TDO2: variants seen among roughly 807,000 people sequenced by gnomAD.
TDO2 encodes the protein tryptamin 2,3-dioxygenase.
TDO2 carries 63 observed loss-of-function variants against 61.2 expected under a neutral mutation model. The observed-to-expected ratio is 1.03, with a 90% CI of 0.84 to 1.27. TDO2 has a LOEUF of 1.27. Among genes scored for constraint, TDO2 ranks in the 50% most tolerant of loss-of-function variants. The pLI, the probability that TDO2 is intolerant of heterozygous loss-of-function variation, is 0.00. For synonymous variants in TDO2, 183 were observed against 164.0 expected (o/e 1.12, Z -0.89); for missense variants, 494 against 469.5 (o/e 1.05, Z -0.48).
chr4:155,918,200 G>C lies in TDO2; in HGVS notation c.1028G>C (p.Gly343Ala). ...ATGCTGGGCAGCAAAGCTGGCACCG[G>C]TGGTTCCTCAGGCTATCACTACCTG... The part of the protein sequence containing the change: ...HRMLGSKAGT[G>A]GSSGYHYLRS... The change falls in exon 11 of 12, where the codon GGT becomes GCT. Residue 343 changes from glycine to alanine, a missense_variant. Physicochemically the swap from Gly to Ala is moderately conservative, Grantham distance 60. Coordinates refer to ENST00000536354, the MANE Select transcript of TDO2 (RefSeq NM_005651.4). 1 of 1,614,114 alleles carries C rather than the reference G, an allele frequency of 6.2e-7. No individual in the cohort carries two copies.
chr4:155,910,405 G>A (rs1359441828), intron 6 of TDO2, among the ~76,000 whole-genome samples, 194 bp downstream of exon 6: 1 of 152,146 alleles, frequency 6.6e-6, no homozygotes, highest in East Asian at 1.9e-4. Flanking sequence ...GAACCCTGCT[G>A]AGAACTTCGG....
chr4:155,912,707 T>C (rs1042826638), intron 7 of TDO2, among the ~76,000 whole-genome samples: 7 of 152,262 alleles, frequency 4.6e-5, no homozygotes, highest in African/African-American at 1.7e-4. Flanking sequence ...TTATACCCAC[T>C]GCTTCAATAT....
chr4:155,905,979 T>C (rs1742711690), intron 3 of TDO2: 2 of 152,342 alleles, frequency 1.3e-5, no homozygotes, highest in African/African-American at 4.8e-5. Flanking sequence ...TTTATACTTT[T>C]ATGGGTGGCT....
intron 8 of TDO2, 34 bp from the exon 9 acceptor site, chr4:155,915,821 C>G: frequency 6.3e-7 from 1 of 1,579,958 alleles, no homozygotes; most frequent in Non-Finnish European, 8.6e-7. Flanking sequence ...CCTTAAATGA[C>G]CTAAAAAATT....
chr4:155,908,463 T>C (rs1742759696), intron 4 of TDO2, among the ~76,000 whole-genome samples: 1 of 152,182 alleles, frequency 6.6e-6, no homozygotes, highest in Non-Finnish European at 1.5e-5. Flanking sequence ...GGACCCTTCC[T>C]GCCTGCATGA....
At chr4:155,916,617 A>G (rs899617767) in intron 9 of TDO2, among the ~76,000 whole-genome samples, 1 of 152,148 alleles carries the variant, frequency 6.6e-6, no homozygotes, top group Non-Finnish European at 1.5e-5. Context: ...CCACTTATTC[A>G]GCAATTTCAA....
chr4:155,910,138 A>G lies in TDO2; in HGVS notation c.545A>G (p.Asp182Gly). 1.3e-6 allele frequency: 2 copies of G among 1,599,408 alleles called. No individual in the cohort carries two copies. Among genetic ancestry groups the G allele is most frequent in the Non-Finnish European group, 1.7e-6 (2 of 1,175,182 alleles). Residue 182 changes from aspartate (D) to glycine (G), a missense_variant, in exon 6 of 12, where the codon GAT becomes GGT. By Grantham distance (94) the Asp-to-Gly change is moderately conservative. Coordinates refer to ENST00000536354, the MANE Select transcript of TDO2 (RefSeq NM_005651.4). ...CCTTATAACAGAAGACATTATCGTG[A>G]TAACTTCAAAGGAGAAGAAAATGAA... ...RVPYNRRHYR[D>G]NFKGEENELL...
At chr4:155,910,327 G>A (rs754591724) in intron 6 of TDO2, 116 bp downstream of exon 6, 3 of 697,164 alleles carry the variant, frequency 4.3e-6, no homozygotes, top group South Asian at 4.8e-5. Context: ...GTGGAAATAA[G>A]GATAGAAAGA....
At chr4:155,912,487 A>G (rs1288714790) in intron 7 of TDO2, among the ~76,000 whole-genome samples, 1 of 152,118 alleles carries the variant, frequency 6.6e-6, no homozygotes, top group Non-Finnish European at 1.5e-5. Flanking sequence ...ATTCAATACT[A>G]ATGACTACTA....
At chr4:155,911,387 A>G (rs1016519244) in intron 6 of TDO2, 110 bp from the exon 7 acceptor site, 3 of 652,594 alleles carry the variant, frequency 4.6e-6, no homozygotes, top group Middle Eastern at 3.0e-4. Context: ...CTTGTAGCAT[A>G]TGTTTCTGGA....
In TDO2 at chr4:155,910,064, A is replaced by C; in HGVS notation, c.471A>C (p.Gln157His). The C allele has an allele frequency of 1.3e-6, 2 of 1,586,718 alleles. No individual in the cohort carries two copies. Among genetic ancestry groups the C allele is most frequent in the Non-Finnish European group, 1.7e-6 (2 of 1,171,606 alleles). Residue 157 changes from glutamine to histidine, a missense_variant, in exon 6 of 12, where the codon CAA (glutamine) becomes CAC (histidine). By Grantham distance (24) the Gln-to-His change is conservative. Coordinates refer to ENST00000536354, the MANE Select transcript of TDO2 (RefSeq NM_005651.4). Reference sequence around the variant, plus strand: ...CAGCATCAGGCTTCCAGAGTTTGCAATTCCGACTATTAGAAAACAAGATAG... The same window carrying C: ...CAGCATCAGGCTTCCAGAGTTTGCACTTCCGACTATTAGAAAACAAGATAG... ...LSPASGFQSL[Q>H]FRLLENKIGV...
At chr4:155,909,632 T>G (rs986514979) in intron 5 of TDO2, among the ~76,000 whole-genome samples, 2 of 151,672 alleles carry the variant, frequency 1.3e-5, no homozygotes, top group Non-Finnish European at 2.9e-5. Context: ...ATATGGGGAG[T>G]GGGAGTAATA....
chr4:155,906,980 T>C (rs966360972), intron 3 of TDO2: 7 of 152,222 alleles, frequency 4.6e-5, no homozygotes, highest in African/African-American at 1.7e-4. Flanking sequence ...ATGTTACTGT[T>C]TGACAGCCCG....
Position 155,920,083 on chromosome 4 carries a change from C to T in TDO2, c.*93C>T. 1 of 1,202,606 alleles carries T rather than the reference C, an allele frequency of 8.3e-7. No individual in the cohort carries two copies. The highest frequency in any genetic ancestry group is 1.2e-6 in the Non-Finnish European group (1 of 835,294). The allele number at this position is 1,202,606 out of a possible 1,614,324, so 74.5% of individuals were successfully genotyped here. A position where few individuals can be genotyped will look rare whatever the true frequency, so the allele number is the denominator to read the frequency against. ...TAAATACAGTTTGAATATATGTATGCATATATTGTTCAGCACCACGATGCT... is the reference window on the plus strand; with the variant it reads ...TAAATACAGTTTGAATATATGTATGTATATATTGTTCAGCACCACGATGCT... On this transcript the variant is annotated 3_prime_UTR_variant, in exon 12 of 12. Coordinates refer to ENST00000536354, the MANE Select transcript of TDO2 (RefSeq NM_005651.4).
chr4:155,908,742 A>G (rs1211000445), intron 4 of TDO2, 145 bp from the exon 5 acceptor site: 2 of 971,414 alleles, frequency 2.1e-6, no homozygotes, highest in South Asian at 3.7e-5. Flanking sequence ...CAGAACTGTT[A>G]TATACTCTTT....
Position 155,910,071 on chromosome 4 carries a change from C to T in TDO2, c.478C>T (p.Leu160=). ...AGGCTTCCAGAGTTTGCAATTCCGA[C>T]TATTAGAAAACAAGATAGGTGTTCT... ...ASGFQSLQFR[L]LENKIGVLQN... Residue 160 remains leucine, a synonymous_variant, in exon 6 of 12, where the codon CTA becomes TTA. Coordinates refer to ENST00000536354, the MANE Select transcript of TDO2 (RefSeq NM_005651.4). 2.5e-6 allele frequency: 4 copies of T among 1,589,148 alleles called. No individual in the cohort carries two copies. The highest frequency in any genetic ancestry group is 2.3e-5 in the South Asian group (2 of 87,552).
intron 11 of TDO2, 76 bp downstream of exon 11, chr4:155,918,315 T>TA (rs1742981534): frequency 1.3e-5 from 18 of 1,366,362 alleles, no homozygotes; most frequent in Non-Finnish European, 1.8e-5. Flanking sequence ...ATTTGCTATC[T>TA]AAAAAAAGCC....
At chr4:155,911,407 G>A in intron 6 of TDO2, 90 bp from the exon 7 acceptor site, 3 of 844,550 alleles carry the variant, frequency 3.6e-6, no homozygotes, top group South Asian at 4.2e-5. Flanking sequence ...AAACCATGAA[G>A]ATTTCTTGTT....
intron 4 of TDO2, 26 bp downstream of exon 4, chr4:155,907,818 T>C: frequency 1.9e-6 from 3 of 1,566,640 alleles, no homozygotes; most frequent in Non-Finnish European, 2.6e-6. Flanking sequence ...ACAATATTGG[T>C]TTCATGTATA....
Sources: allele counts gnomAD v4.1 joint callset (sites outside exome capture counted in the v4.1 genomes callset), GRCh38; gene constraint gnomAD v4.1.1; transcripts MANE v1.5; gene names NCBI Gene and HGNC (gene_info 2026-07-23, HGNC 2026-07-21).